Variants in SHANK2 observed in about 807,000 individuals in gnomAD.
SHANK2 encodes the protein SH3 and multiple ankyrin repeat domains protein 2.
SHANK2 carries 43 observed loss-of-function variants against 133.7 expected under a neutral mutation model. The ratio of observed to expected loss-of-function variants is 0.32; its 90% CI spans 0.25 to 0.41. SHANK2 has a LOEUF of 0.41. SHANK2 is among the 10% of genes least tolerant of loss of function. The pLI is 1.00. For missense variants in SHANK2, 1,994 were observed against 2,235.8 expected (o/e 0.89, Z 2.18); for synonymous variants, 1,017 against 952.8 (o/e 1.07, Z -1.24).
chr11:70,801,139 C>T (rs1318621354), intron 13 of SHANK2, among the ~76,000 whole-genome samples: 5 of 152,340 alleles, frequency 3.3e-5, no homozygotes, highest in South Asian at 2.1e-4. Context: ...ACACTCCTGC[C>T]TGACTTTCCT....
intron 14 of SHANK2, among the ~76,000 whole-genome samples, chr11:70,724,083 T>C (rs1292106291): frequency 6.6e-6 from 1 of 151,414 alleles, no homozygotes; most frequent in Non-Finnish European, 1.5e-5. Flanking sequence ...TTGCCCAGGC[T>C]GGAGTGCAGT....
chr11:70,688,226 C>T (rs1172470945), intron 15 of SHANK2, among the ~76,000 whole-genome samples: 2 of 152,170 alleles, frequency 1.3e-5, no homozygotes, highest in Non-Finnish European at 2.9e-5. Context: ...CATGAGGAGG[C>T]CCCTCCCCTT....
intron 14 of SHANK2, among the ~76,000 whole-genome samples, chr11:70,779,867 C>T (rs1041090885): frequency 1.3e-5 from 2 of 152,192 alleles, no homozygotes; most frequent in Non-Finnish European, 2.9e-5. Context: ...CCAGACCCGG[C>T]CAGTCACCCT....
chr11:70,818,024 C>A (rs185983335), intron 12 of SHANK2, among the ~76,000 whole-genome samples: 8 of 152,166 alleles, frequency 5.3e-5, no homozygotes, highest in African/African-American at 1.9e-4. Flanking sequence ...TGTGAGCTAC[C>A]GCACCTGGTC....
At chr11:71,110,894 G>A (rs1428025233) in intron 5 of SHANK2, among the ~76,000 whole-genome samples, 1 of 152,234 alleles carries the variant, frequency 6.6e-6, no homozygotes, top group African/African-American at 2.4e-5. Context: ...GAGGCCTTTG[G>A]GAGGTGACGA....
intron 17 of SHANK2, among the ~76,000 whole-genome samples, chr11:70,504,775 C>T (rs189529270): frequency 2.0e-5 from 3 of 151,684 alleles, no homozygotes; most frequent in Admixed American, 2.0e-4. Flanking sequence ...GGAGCCGGAT[C>T]GAGGAAGACA....
intron 11 of SHANK2, chr11:70,863,842 G>A: frequency 2.2e-6 from 1 of 457,756 alleles, no homozygotes; most frequent in Non-Finnish European, 4.4e-6. Flanking sequence ...AACCGAGTGA[G>A]GATGACGACA....
At chr11:70,570,524 G>C (rs2073525659) in intron 17 of SHANK2, 1 of 152,288 alleles carries the variant, frequency 6.6e-6, no homozygotes, top group African/African-American at 2.4e-5. Flanking sequence ...GGCAGCCCGA[G>C]CTGTGAACTC....
At chr11:70,770,476 C>A (rs1253182793) in intron 14 of SHANK2, among the ~76,000 whole-genome samples, 2 of 152,226 alleles carry the variant, frequency 1.3e-5, no homozygotes, top group Non-Finnish European at 2.9e-5. Context: ...CCTGAAAATG[C>A]CCACCTGGAC....
intron 25 of SHANK2, among the ~76,000 whole-genome samples, chr11:70,476,535 G>A (rs952405569): frequency 3.9e-5 from 6 of 152,180 alleles, no homozygotes; most frequent in Non-Finnish European, 5.9e-5. Context: ...ATTTGTCCAC[G>A]TTGATAAAAC....
chr11:70,476,401 C>CG (rs1212429162), intron 25 of SHANK2, among the ~76,000 whole-genome samples: 1 of 152,066 alleles, frequency 6.6e-6, no homozygotes, highest in Non-Finnish European at 1.5e-5. Flanking sequence ...TGCAACCCCC[C>CG]CTTCTCTGGT....
chr11:70,828,529 G>A (rs568087146), intron 11 of SHANK2, among the ~76,000 whole-genome samples: 1 of 152,274 alleles, frequency 6.6e-6, no homozygotes, highest in South Asian at 2.1e-4. Flanking sequence ...GAGCAAGGCT[G>A]AACAGCTTCC....
chr11:70,773,809 TAAC>T (rs1555043371), intron 14 of SHANK2, among the ~76,000 whole-genome samples: 2 of 152,144 alleles, frequency 1.3e-5, no homozygotes, highest in African/African-American at 2.4e-5. Context: ...CCTATAACGA[TAAC>T]AACAAACCAG....
chr11:70,867,161 T>C (rs1555069225), intron 11 of SHANK2, among the ~76,000 whole-genome samples: 21 of 147,268 alleles, frequency 1.4e-4, no homozygotes. Context: ...TCCCTTGGGG[T>C]AGTGGATCCC....
At chr11:71,217,253 C>A (rs1458757014) in intron 2 of SHANK2, among the ~76,000 whole-genome samples, 4 of 151,732 alleles carry the variant, frequency 2.6e-5, no homozygotes, top group Non-Finnish European at 5.9e-5. Context: ...TGCCTGTAAT[C>A]CCAGCACTTC....
At chr11:70,931,194 G>A (rs782144092) in intron 10 of SHANK2, among the ~76,000 whole-genome samples, 24 of 152,182 alleles carry the variant, frequency 1.6e-4, no homozygotes, top group Non-Finnish European at 2.6e-4. Flanking sequence ...AAGTAGACTC[G>A]TGGTGCCAGG....
intron 10 of SHANK2, among the ~76,000 whole-genome samples, chr11:70,941,260 CAGAT>C (rs1157107241): frequency 1.3e-5 from 2 of 152,172 alleles, no homozygotes; most frequent in African/African-American, 4.8e-5. Flanking sequence ...ATGAACTAGA[CAGAT>C]AGCTAACTCC....
intron 17 of SHANK2, among the ~76,000 whole-genome samples, chr11:70,554,673 T>C (rs180830439): frequency 6.6e-6 from 1 of 152,234 alleles, no homozygotes; most frequent in East Asian, 1.9e-4. Context: ...AGAGGGTTCC[T>C]TCTGGGCATT....
chr11:70,915,039 A>C (rs905735939), intron 10 of SHANK2, among the ~76,000 whole-genome samples: 1 of 152,196 alleles, frequency 6.6e-6, no homozygotes, highest in Non-Finnish European at 1.5e-5. Flanking sequence ...GCTGCATCTC[A>C]GCTTCCTTTC....
Sources: gnomAD v4.1 joint callset for allele counts (sites outside exome capture counted in the v4.1 genomes callset) on GRCh38, gnomAD v4.1.1 for gene constraint, MANE v1.5 for transcripts, NCBI Gene and HGNC (gene_info 2026-07-23, HGNC 2026-07-21) for gene names.